Variants in TECPR1 observed in about 807,000 individuals in gnomAD.
TECPR1 encodes the protein tectonin beta-propeller repeat-containing protein 1.
TECPR1 carries 122 observed loss-of-function variants against 162.4 expected under a neutral mutation model. That is an observed-to-expected ratio of 0.75 (90% CI 0.65 to 0.87). The LOEUF is 0.87. Among genes scored for constraint, TECPR1 ranks in the 40% least tolerant of loss-of-function variants. The probability of loss-of-function intolerance (pLI) is 0.00; values close to 1 mark genes in which losing one functional copy is unlikely to be tolerated. For missense variants in TECPR1, 1,432 were observed against 1,618.2 expected, an observed-to-expected ratio of 0.88 and a Z score of 1.97; for synonymous variants, 642 against 670.6, an observed-to-expected ratio of 0.96 and a Z score of 0.66.
At chr7:98,221,071 G>A (rs62479822) in intron 23 of TECPR1, among the ~76,000 whole-genome samples, 62,427 of 150,542 alleles carry the variant, frequency 0.41, 13,895 homozygotes, top group Middle Eastern at 0.63. Flanking sequence ...GGAGGCCGAG[G>A]TGGGCAGGTC....
chr7:98,248,840 C>T (rs1291855699), intron 2 of TECPR1, among the ~76,000 whole-genome samples: 1 of 133,320 alleles, frequency 7.5e-6, no homozygotes, highest in African/African-American at 2.5e-5. Flanking sequence ...AGTGCGACTC[C>T]GTCTCAAAAA....
rs760404483 is a variant in TECPR1 at position 98,233,481 on chromosome 7, A to C, written c.1612T>G (p.Ser538Ala). The C allele has an allele frequency of 2.0e-6, 3 of 1,489,516 alleles. No homozygotes were observed. In the African/African-American group the frequency reaches 4.2e-5, roughly 21 times the overall value. The allele number at this position is 1,489,516 out of a possible 1,614,324, so 92.3% of individuals were successfully genotyped here. The change falls in exon 11 of 26, where the codon TCG (serine) becomes GCG (alanine). Residue 538 changes from serine to alanine, a missense_variant. Ser to Ala is a moderately conservative substitution (Grantham distance 99). Transcript: ENST00000447648. ...GCCTCCACCACGCAGCCGCCTCCCG[A>C]CACCCAGGCCCACAGCGGGTGGTCA... ...VDDHPLWAWV[S>A]GGGCVVEACA...
chr7:98,224,948 G>A, intron 18 of TECPR1, 58 bp downstream of exon 18: 2 of 1,541,296 alleles, frequency 1.3e-6, no homozygotes, highest in Non-Finnish European at 1.8e-6. Flanking sequence ...ACTCGAGGAG[G>A]GGCAAGGAGG....
rs754570375 is a variant in TECPR1 at position 98,233,788 on chromosome 7, G to A, written c.1305C>T (p.Asp435=). The change falls in exon 11 of 26, where the codon GAC becomes GAT. Residue 435 remains aspartate, a synonymous_variant. Coordinates refer to ENST00000447648, the MANE Select transcript of TECPR1 (RefSeq NM_015395.3). ...PGQILPAEPL[D]DSKNATGNSA... ...AGTTCCCTGTGGCATTCTTGGAATC[G>A]TCTAGAGGTTCTGCAGGGAGAATCT... 85 of 1,611,368 alleles carry A rather than the reference G, an allele frequency of 5.3e-5. 1 individual carries two copies. In the Admixed American group the frequency reaches 1.0e-3, roughly 20 times the overall value.
At position 98,214,890 on chromosome 7, in the gene TECPR1, T is replaced by G. The variant is rs571535121; in HGVS notation, c.*2500A>C. 9.2e-5 allele frequency: 14 copies of G among 152,330 alleles called. No homozygotes were observed. The highest frequency in any genetic ancestry group is 1.6e-4 in the Non-Finnish European group (11 of 68,162). 9.4% of individuals were successfully genotyped at this position (152,330 alleles called of 1,614,324 possible). The stretch of plus-strand genomic sequence containing the variant: ...GACCTGGGCCGAGCCGCCCAGTCCT[T>G]CTTCCCCTGAGGCCAGAGGGGACGC... On this transcript the variant is annotated 3_prime_UTR_variant, in exon 26 of 26. Coordinates refer to ENST00000447648, the MANE Select transcript of TECPR1 (RefSeq NM_015395.3).
Position 98,231,827 on chromosome 7 carries a change from AG to A in TECPR1, c.1950del (p.Tyr651MetfsTer14), listed in dbSNP as rs1310050789. ...DGVRDSILFIYYVVHEEKKYI... is the reference protein window; with the variant it reads ...DGVRDSILFIXYVVHEEKKYI... ...ACCTTCTTCTCCTCGTGGACCACAT[AG>A]TAGATGAAGAGGATGCTGTCCCGGA... On this transcript the variant is annotated frameshift_variant, in exon 13 of 26. Transcript: ENST00000447648. LOFTEE classifies it high-confidence loss of function. The A allele has an allele frequency of 6.2e-7, 1 of 1,612,358 alleles. No individual in the cohort carries two copies. The highest frequency in any genetic ancestry group is 8.5e-7 in the Non-Finnish European group (1 of 1,179,584).
At chr7:98,244,180 G>A (rs923372433) in intron 5 of TECPR1, among the ~76,000 whole-genome samples, 5 of 152,236 alleles carry the variant, frequency 3.3e-5, no homozygotes, top group Non-Finnish European at 7.3e-5. Flanking sequence ...TGGAGGCCAC[G>A]CCAAGACCTG....
rs1341930458 is a variant in TECPR1 at position 98,222,784 on chromosome 7, G to A, written c.2928+206C>T. On this transcript the variant is annotated intron_variant, in intron 21 of 25. Transcript: ENST00000447648. ...ACCACCAAGGACTGGGTGCCAAAGA[G>A]CCGCAGTGTCCCCTTGGCCCACCTC... 15 of 806,792 alleles carry A rather than the reference G, an allele frequency of 1.9e-5. No homozygotes were observed. The African/African-American group carries it at 2.2e-4, about 12-fold the overall frequency. 50.0% of individuals were successfully genotyped at this position (806,792 alleles called of 1,614,324 possible).
chr7:98,246,933 T>G lies in TECPR1; in HGVS notation c.-19-768A>C, dbSNP rs551484181. Among the ~76,000 whole-genome samples, 245 of 151,048 alleles carry G rather than the reference T, an allele frequency of 1.6e-3. 1 individual carries two copies. Among genetic ancestry groups the G allele is most frequent in the African/African-American group, 5.8e-3 (240 of 41,214 alleles). ...AAAATAGATCACTTGAGGCCAGGAG[T>G]TCAAGACCAGCCTGGTCAACATGGT... On this transcript the variant is annotated intron_variant, in intron 2 of 25. Coordinates refer to ENST00000447648, the MANE Select transcript of TECPR1 (RefSeq NM_015395.3).
Position 98,216,344 on chromosome 7 carries a change from T to C in TECPR1, c.*1046A>G, listed in dbSNP as rs973274900. ...CCGCAGTCTGCACCCTCCTACAACA[T>C]GATTTGACATCCAAGAAGCCCCTGT... On this transcript the variant is annotated 3_prime_UTR_variant, in exon 26 of 26. Transcript: ENST00000447648. 11 of 152,306 alleles carry C rather than the reference T, an allele frequency of 7.2e-5. No homozygotes were observed. Among genetic ancestry groups the C allele is most frequent in the Admixed American group, 5.2e-4 (8 of 15,278 alleles). The allele number at this position is 152,306 out of a possible 1,614,324, so 9.4% of individuals were successfully genotyped here. A position where few individuals can be genotyped will look rare whatever the true frequency, so the allele number is the denominator to read the frequency against.
intron 18 of TECPR1, 30 bp from the exon 19 acceptor site, chr7:98,224,910 C>T (rs777667500): frequency 1.9e-6 from 3 of 1,550,548 alleles, no homozygotes; most frequent in Admixed American, 3.9e-5. Flanking sequence ...GAGGATGGGA[C>T]CCCCCGAATC....
At chr7:98,250,387 C>T (rs960946037) in intron 2 of TECPR1, among the ~76,000 whole-genome samples, 9 of 151,732 alleles carry the variant, frequency 5.9e-5, no homozygotes, top group African/African-American at 9.7e-5. Flanking sequence ...CAGCCCTTTC[C>T]GGGGCTGAGG....
intron 23 of TECPR1, among the ~76,000 whole-genome samples, chr7:98,221,181 A>G (rs1798130648): frequency 6.6e-6 from 1 of 152,050 alleles, no homozygotes; most frequent in African/African-American, 2.4e-5. Flanking sequence ...GCGTGTCTGT[A>G]ATCCCAGCTA....
intron 3 of TECPR1, 140 bp from the exon 4 acceptor site, chr7:98,245,207 G>A (rs540670045): frequency 7.1e-5 from 66 of 929,110 alleles, no homozygotes; most frequent in Admixed American, 2.7e-4. Context: ...TGAGCAGAGG[G>A]CCTGTGTGGG....
chr7:98,231,760 T>A lies in TECPR1; in HGVS notation c.1974+44A>T. On this transcript the variant is annotated intron_variant, in intron 13 of 25. Coordinates refer to ENST00000447648, the MANE Select transcript of TECPR1 (RefSeq NM_015395.3). ...TACCCCTCCTCTAGCACCCCAGCCC[T>A]GTGTCCCCTCCCTGGCCCCATCTCC... 2.6e-6 allele frequency: 4 copies of A among 1,567,992 alleles called. 1 individual carries two copies. In the South Asian group the frequency reaches 4.5e-5, roughly 17 times the overall value.
rs1224129066 is a variant in TECPR1, at chr7:98,233,298, A to G, written c.1672+123T>C. ...TGCCTGGCTCAGAGCTGCTGAGCACAGTGAGGCGTCCAGGGAGGACAGCAG... is the reference window on the plus strand; with the variant it reads ...TGCCTGGCTCAGAGCTGCTGAGCACGGTGAGGCGTCCAGGGAGGACAGCAG... On this transcript the variant is annotated intron_variant, in intron 11 of 25. Transcript: ENST00000447648. 3.2e-6 allele frequency: 4 copies of G among 1,259,638 alleles called. No homozygotes were observed. The African/African-American group carries it at 6.1e-5, about 19-fold the overall frequency. 78.0% of individuals were successfully genotyped at this position (1,259,638 alleles called of 1,614,324 possible).
At chr7:98,238,799 C>T (rs541846839) in intron 8 of TECPR1, among the ~76,000 whole-genome samples, 189 bp from the exon 9 acceptor site, 2 of 152,354 alleles carry the variant, frequency 1.3e-5, no homozygotes, top group South Asian at 4.1e-4. Flanking sequence ...ACCCTGACCG[C>T]ATCTCCTGTG....
intron 8 of TECPR1, among the ~76,000 whole-genome samples, chr7:98,239,199 T>C (rs1798682981): frequency 6.6e-6 from 1 of 152,234 alleles, no homozygotes; most frequent in Non-Finnish European, 1.5e-5. Flanking sequence ...ACATTCTCCA[T>C]GGTGGCCTGG....
Position 98,217,936 on chromosome 7 carries a change from C to G in TECPR1, c.3264G>C (p.Gln1088His), listed in dbSNP as rs1798055759. ...CCCGATACCCCCTGAGCACCCCCAC[C>G]TGGTCCAGGGGCCCCACGGACACTC... ...VCRVSVGPLD[Q>H]VWVIANKVQG... The change falls in exon 24 of 26, where the codon CAG (glutamine) becomes CAC (histidine). Residue 1088 changes from glutamine to histidine, a missense_variant and splice_region_variant. Transcript: ENST00000447648. 6.4e-7 allele frequency: 1 copy of G among 1,553,216 alleles called. No individual in the cohort carries two copies. The highest frequency in any genetic ancestry group is 8.7e-7 in the Non-Finnish European group (1 of 1,148,430).
Sources: allele counts gnomAD v4.1 joint callset (sites outside exome capture counted in the v4.1 genomes callset), GRCh38; gene constraint gnomAD v4.1.1; transcripts MANE v1.5; gene names NCBI Gene and HGNC (gene_info 2026-07-23, HGNC 2026-07-21).